The following SH3RF3 variants were observed in gnomAD, a reference collection of about 807,000 sequenced individuals.
SH3RF3 encodes E3 ubiquitin-protein ligase SH3RF3.
SH3RF3 carries 29 observed loss-of-function variants against 66.3 expected under a neutral mutation model. The observed-to-expected ratio is 0.44, with a 90% confidence interval of 0.33 to 0.60. The LOEUF is 0.60. Among genes scored for constraint, SH3RF3 ranks in the 20% least tolerant of loss-of-function variants. The pLI, the probability that SH3RF3 is intolerant of heterozygous loss-of-function variation, is 0.04. For synonymous variants in SH3RF3, 583 were observed against 532.0 expected, an observed-to-expected ratio of 1.10 and a Z score of -1.32; for missense variants, 1,194 against 1,190.9, an observed-to-expected ratio of 1.00 and a Z score of -0.04.
At chr2:109,481,237 A>T (rs1427121085) in intron 8 of SH3RF3, among the ~76,000 whole-genome samples, 3 of 152,226 alleles carry the variant, frequency 2.0e-5, no homozygotes, top group Non-Finnish European at 4.4e-5. Context: ...GTCCCCCCAC[A>T]CAGGTCTCTC....
chr2:109,449,306 G>A lies in SH3RF3; in HGVS notation c.1965G>A (p.Gln655=). 2 of 1,607,788 alleles carry A rather than the reference G, an allele frequency of 1.2e-6. No individual in the cohort carries two copies. Among genetic ancestry groups the A allele is most frequent in the Middle Eastern group, 1.7e-4 (1 of 6,034 alleles). ...TGGTGTCCCCGCAGCACAGCCACCA[G>A]CCCCCGGTGCAGATGTGCCCACGGC... The part of the protein sequence containing the change: ...HSVVSPQHSH[Q]PPVQMCPRPA... Residue 655 remains glutamine, a synonymous_variant, in exon 8 of 10, where the codon CAG becomes CAA. Coordinates refer to ENST00000309415, the MANE Select transcript of SH3RF3 (RefSeq NM_001099289.3).
At chr2:109,487,898 G>A (rs957539900) in intron 8 of SH3RF3, among the ~76,000 whole-genome samples, 1 of 150,726 alleles carries the variant, frequency 6.6e-6, no homozygotes, top group Non-Finnish European at 1.5e-5. Context: ...ATACTGCAGT[G>A]AACAAAACAA....
intron 8 of SH3RF3, among the ~76,000 whole-genome samples, chr2:109,489,149 C>A (rs560748472): frequency 6.6e-6 from 1 of 152,380 alleles, no homozygotes; most frequent in South Asian, 2.1e-4. Context: ...CATTATATCT[C>A]TTTCCCTCTC....
intron 8 of SH3RF3, among the ~76,000 whole-genome samples, chr2:109,482,834 A>G (rs966257770): frequency 3.3e-5 from 5 of 152,228 alleles, no homozygotes; most frequent in Admixed American, 6.5e-5. Context: ...AAAACAAGCT[A>G]GAGAAGCACA....
At chr2:109,459,432 T>A (rs373716191) in intron 8 of SH3RF3, among the ~76,000 whole-genome samples, 2 of 152,130 alleles carry the variant, frequency 1.3e-5, no homozygotes, top group Admixed American at 1.3e-4. Context: ...ATCCAAACCT[T>A]CATTCCTGAA....
At chr2:109,247,489 A>G (rs1421362464) in intron 1 of SH3RF3, among the ~76,000 whole-genome samples, 1 of 152,180 alleles carries the variant, frequency 6.6e-6, no homozygotes, top group Non-Finnish European at 1.5e-5. Context: ...GTGCAAAACC[A>G]TTATTCTTCC....
Position 109,415,507 on chromosome 2 carries a change from G to A in SH3RF3, c.1300-4032G>A, listed in dbSNP as rs145137569. 3.9e-4 allele frequency among the ~76,000 whole-genome samples: 60 copies of A among 152,214 alleles called. No homozygotes were observed. The East Asian group carries it at 0.01, about 27-fold the overall frequency. On this transcript the variant is annotated intron_variant, in intron 4 of 9. Coordinates refer to ENST00000309415, the MANE Select transcript of SH3RF3 (RefSeq NM_001099289.3). ...TATTCCTACTAACAGCCCCCTGAGC[G>A]TGTCCAGACCCCCTCCTGACTCCCT...
intron 2 of SH3RF3, among the ~76,000 whole-genome samples, chr2:109,364,017 A>G (rs1438706075): frequency 6.6e-6 from 1 of 152,040 alleles, no homozygotes; most frequent in Non-Finnish European, 1.5e-5. Flanking sequence ...AATTTGGAGA[A>G]ATTCTCAGTT....
At chr2:109,202,722 G>A (rs995282111) in intron 1 of SH3RF3, among the ~76,000 whole-genome samples, 3 of 152,228 alleles carry the variant, frequency 2.0e-5, no homozygotes, top group African/African-American at 4.8e-5. Flanking sequence ...ATCTGGAAAC[G>A]CCACGGCCTT....
chr2:109,265,242 A>G lies in SH3RF3; in HGVS notation c.574-82432A>G, dbSNP rs887143915. On this transcript the variant is annotated intron_variant, in intron 1 of 9. Transcript: ENST00000309415. ...AGCTGCACATTAGGATTAAAGGGCC[A>G]AGGCAGGACAAGGCCAGGGGAGCTC... Among the ~76,000 whole-genome samples, 58 of 152,206 alleles carry G rather than the reference A, an allele frequency of 3.8e-4. 3 individuals are homozygous for G. The highest frequency in any genetic ancestry group is 2.9e-5 in the Non-Finnish European group (2 of 68,038).
intron 1 of SH3RF3, among the ~76,000 whole-genome samples, chr2:109,294,308 C>T (rs139621422): frequency 5.9e-5 from 9 of 152,124 alleles, no homozygotes; most frequent in Non-Finnish European, 1.3e-4. Context: ...TGCCTGTAAT[C>T]CCAGCACTTT....
At chr2:109,425,450 A>G (rs1677000851) in intron 5 of SH3RF3, among the ~76,000 whole-genome samples, 1 of 152,180 alleles carries the variant, frequency 6.6e-6, no homozygotes, top group Non-Finnish European at 1.5e-5. Flanking sequence ...TAGAGAGGAG[A>G]TATCAAGGCC....
rs141684240 is a variant in SH3RF3 at position 109,347,873 on chromosome 2, C to T, written c.773C>T (p.Pro258Leu). The change falls in exon 2 of 10, where the codon CCG becomes CTG. Residue 258 changes from proline to leucine, a missense_variant. Transcript: ENST00000309415. ...TGCATCCAGCCCTTGCCACACGCCC[C>T]GCCCCAGGGAAAAGCACTTTATGAT... ...IQCIQPLPHA[P>L]PQGKALYDFE... is the part of the protein sequence containing the mutation. The T allele has an allele frequency of 1.7e-5, 27 of 1,613,150 alleles. No homozygotes were observed. Among genetic ancestry groups the T allele is most frequent in the South Asian group, 3.3e-5 (3 of 90,838 alleles).
intron 4 of SH3RF3, among the ~76,000 whole-genome samples, chr2:109,418,572 C>A (rs1676786125): frequency 6.6e-6 from 1 of 151,936 alleles, no homozygotes; most frequent in African/African-American, 2.4e-5. Flanking sequence ...CCCGGTCCTC[C>A]TTCTCTGTGT....
chr2:109,419,719 G>A, intron 5 of SH3RF3, 77 bp downstream of exon 5: 1 of 1,379,066 alleles, frequency 7.3e-7, no homozygotes, highest in Non-Finnish European at 9.9e-7. Context: ...GTCCACGTGT[G>A]GTTTCCGCAG....
intron 2 of SH3RF3, among the ~76,000 whole-genome samples, chr2:109,370,190 GGTCTCTGTCTCT>G (rs10625245): frequency 8.5e-4 from 125 of 147,330 alleles, no homozygotes; most frequent in South Asian, 3.1e-3. Context: ...TTGCTGTGGT[GGTCTCTGTCTCT>G]GTCTCTGTCT....
intron 5 of SH3RF3, among the ~76,000 whole-genome samples, chr2:109,422,470 T>C (rs1483477183): frequency 6.6e-6 from 1 of 152,156 alleles, no homozygotes; most frequent in African/African-American, 2.4e-5. Context: ...GTGAAAGGCT[T>C]CCCTGGCATG....
At chr2:109,374,760 C>T (rs1683344524) in intron 3 of SH3RF3, among the ~76,000 whole-genome samples, 1 of 152,224 alleles carries the variant, frequency 6.6e-6, no homozygotes, top group African/African-American at 2.4e-5. Flanking sequence ...GATCTGCAGG[C>T]ACCTGGCAGG....
At chr2:109,358,337 A>G (rs1228054406) in intron 2 of SH3RF3, among the ~76,000 whole-genome samples, 2 of 152,238 alleles carry the variant, frequency 1.3e-5, no homozygotes, top group South Asian at 2.1e-4. Context: ...TTGGGTAATT[A>G]TAAATAAAGC....
Sources: gnomAD v4.1 joint callset for allele counts (sites outside exome capture counted in the v4.1 genomes callset) on GRCh38, gnomAD v4.1.1 for gene constraint, MANE v1.5 for transcripts, NCBI Gene and HGNC (gene_info 2026-07-23, HGNC 2026-07-21) for gene names.